DMD: variants seen among roughly 807,000 people sequenced by gnomAD.
DMD encodes the protein mutant dystrophin.
DMD carries 63 observed loss-of-function variants against 330.1 expected under a neutral mutation model. The ratio of observed to expected loss-of-function variants is 0.19; its 90% CI spans 0.16 to 0.24. The LOEUF is 0.24. Ranked by LOEUF, DMD falls within the 10% of genes least tolerant of loss-of-function variation. The pLI is 1.00. For missense variants in DMD, 3,344 were observed against 2,684.1 expected (o/e 1.25, Z -5.43); for synonymous variants, 1,223 against 959.8 (o/e 1.27, Z -5.07).
At chrX:31,909,552 C>T (rs918292793) in intron 47 of DMD, among the ~76,000 whole-genome samples, 3 of 107,553 alleles carry the variant, frequency 2.8e-5, no homozygotes, top group African/African-American at 6.7e-5. Flanking sequence ...AACAAAAAAC[C>T]GGAACCTTGA....
At chrX:33,074,260 T>A (rs2094804130) in intron 1 of DMD, among the ~76,000 whole-genome samples, 1 of 111,445 alleles carries the variant, frequency 9.0e-6, no homozygotes, top group Non-Finnish European at 1.9e-5. Flanking sequence ...GTCACTTTAC[T>A]TTTTTTTGTC....
chrX:32,564,792 C>T (rs1361074724), intron 16 of DMD, among the ~76,000 whole-genome samples: 2 of 111,409 alleles, frequency 1.8e-5, no homozygotes, highest in Non-Finnish European at 3.8e-5. Context: ...TTCCTAAGTG[C>T]TACTTATCAG....
chrX:32,010,736 T>C (rs2095701648), intron 44 of DMD, among the ~76,000 whole-genome samples: 1 of 112,018 alleles, frequency 8.9e-6, no homozygotes, highest in Non-Finnish European at 1.9e-5. Context: ...TTCCATGTGT[T>C]TGGCTATCAC....
At chrX:31,529,221 C>CAA (rs756790212) in intron 55 of DMD, among the ~76,000 whole-genome samples, 1 of 90,063 alleles carries the variant, frequency 1.1e-5, no homozygotes, top group Admixed American at 1.2e-4. Context: ...GACTCCATTT[C>CAA]AAAAAAAAAA....
At chrX:31,961,741 T>TTTTTTTTTTTGTTTTTTTTTTTTG (rs1491535164) in intron 45 of DMD, among the ~76,000 whole-genome samples, 35 of 51,022 alleles carry the variant, frequency 6.9e-4, no homozygotes, top group African/African-American at 5.4e-3. Context: ...AAGGAAGCGG[T>TTTTTTTTTTTGTTTTTTTTTTTTG]TTTTTTTTTT....
intron 1 of DMD, among the ~76,000 whole-genome samples, chrX:33,280,186 T>G (rs1490518010): frequency 2.7e-5 from 3 of 111,085 alleles, no homozygotes; most frequent in Admixed American, 9.6e-5. Context: ...TTTCATCATG[T>G]TGGCCAGGCT....
chrX:32,478,688 T>C (rs912670834), intron 21 of DMD, among the ~76,000 whole-genome samples: 4 of 111,812 alleles, frequency 3.6e-5, no homozygotes, highest in African/African-American at 1.3e-4. Flanking sequence ...CCCAATTTCC[T>C]ATCAAAATCA....
At chrX:32,434,399 G>A (rs1261057690) in intron 29 of DMD, among the ~76,000 whole-genome samples, 2 of 111,657 alleles carry the variant, frequency 1.8e-5, no homozygotes, top group African/African-American at 6.5e-5. Flanking sequence ...TTCAGGGAGA[G>A]ACTCTGTCTC....
chrX:32,259,782 G>A (rs903385202), intron 43 of DMD, among the ~76,000 whole-genome samples: 1 of 111,444 alleles, frequency 9.0e-6, no homozygotes, highest in African/African-American at 3.3e-5. Context: ...GATAAATTAG[G>A]ACTTTTGATC....
chrX:32,644,270 T>A lies in DMD; in HGVS notation c.1193A>T (p.Asn398Ile). The A allele has an allele frequency of 8.3e-7, 1 of 1,211,274 alleles. No homozygotes were observed. Among genetic ancestry groups the A allele is most frequent in the Non-Finnish European group, 1.1e-6 (1 of 895,308 alleles). ...CAGCTTACTTCCCAATTGTAGAATA[T>A]TACCAACCCGGCCCTGATGGGCTGT... ...DLTAHQGRVG[N>I]ILQLGSKLIG... is the part of the protein sequence containing the mutation. The change falls in exon 11 of 79, where the codon AAT (asparagine) becomes ATT (isoleucine). Residue 398 changes from asparagine to isoleucine, a missense_variant. Physicochemically the swap from Asn to Ile is moderately radical, Grantham distance 149. Transcript: ENST00000357033.
At chrX:31,454,097 G>C (rs969929497) in intron 59 of DMD, among the ~76,000 whole-genome samples, 1 of 111,974 alleles carries the variant, frequency 8.9e-6, no homozygotes, top group East Asian at 2.8e-4. Context: ...TCAACCATGA[G>C]GATGTTTATC....
chrX:31,494,631 G>C (rs1054546049), intron 57 of DMD, among the ~76,000 whole-genome samples: 2 of 111,732 alleles, frequency 1.8e-5, no homozygotes, highest in African/African-American at 6.5e-5. Flanking sequence ...TGAGATTCCT[G>C]AGTAAGGACT....
At chrX:32,776,193 G>A (rs1345429505) in intron 7 of DMD, among the ~76,000 whole-genome samples, 2 of 110,435 alleles carry the variant, frequency 1.8e-5, no homozygotes, top group East Asian at 2.9e-4. Flanking sequence ...GGACTTCATT[G>A]TCCGTATCAC....
At chrX:32,866,908 A>AT (rs768908425) in intron 2 of DMD, among the ~76,000 whole-genome samples, 562 of 110,510 alleles carry the variant, frequency 5.1e-3, no homozygotes, top group Non-Finnish European at 7.5e-3. Flanking sequence ...TGATTTTTGT[A>AT]TTTTTTTAGT....
intron 17 of DMD, among the ~76,000 whole-genome samples, chrX:32,520,298 T>C (rs760459901): frequency 1.5e-4 from 17 of 112,270 alleles, no homozygotes; most frequent in Admixed American, 4.7e-4. Flanking sequence ...TGTTAACTCC[T>C]TAAATACTCT....
At chrX:33,103,644 G>A (rs572439875) in intron 1 of DMD, among the ~76,000 whole-genome samples, 2 of 110,830 alleles carry the variant, frequency 1.8e-5, no homozygotes, top group African/African-American at 6.6e-5. Context: ...GACTCAGCCC[G>A]CCTGCACCCA....
rs190043093 is a variant in DMD, at chrX:32,110,395, T to C, written c.6438+106521A>G. Among the ~76,000 whole-genome samples the C allele has an allele frequency of 3.3e-4, 37 of 111,913 alleles. No individual in the cohort carries two copies. The East Asian group carries it at 7.6e-3, about 23-fold the overall frequency. On this transcript the variant is annotated intron_variant, in intron 44 of 78. Transcript: ENST00000357033. ...GTAAAAAAAGAATGAGAATGAGACA[T>C]AGATTCCCCACTTAAATCCAATAGA...
chrX:32,663,026 T>C (rs1175945931), intron 9 of DMD, among the ~76,000 whole-genome samples: 13 of 111,913 alleles, frequency 1.2e-4, no homozygotes, highest in African/African-American at 4.2e-4. Flanking sequence ...TGCCATTGAG[T>C]AATGCATTAC....
intron 62 of DMD, among the ~76,000 whole-genome samples, chrX:31,263,642 G>T (rs1440298902): frequency 9.0e-6 from 1 of 111,305 alleles, no homozygotes; most frequent in African/African-American, 3.3e-5. Context: ...ATAGATAAAT[G>T]AACTCCTCAA....
Sources: gnomAD v4.1 joint callset for allele counts (sites outside exome capture counted in the v4.1 genomes callset) on GRCh38, gnomAD v4.1.1 for gene constraint, MANE v1.5 for transcripts, NCBI Gene and HGNC (gene_info 2026-07-23, HGNC 2026-07-21) for gene names.